Variants in CIITA observed in about 807,000 individuals in gnomAD.
CIITA encodes MHC class II transactivator.
In CIITA, 72 loss-of-function variants were observed where a neutral mutation model predicts 115.1. The observed-to-expected ratio is 0.63, with a 90% CI of 0.52 to 0.76. CIITA has a LOEUF of 0.76. Ranked by LOEUF, CIITA falls within the 30% of genes least tolerant of loss-of-function variation. The pLI is 0.00. For synonymous variants in CIITA, 763 were observed against 635.6 expected (o/e 1.20, Z -3.02); for missense variants, 1,617 against 1,463.8 (o/e 1.10, Z -1.71).
rs776090698 is a variant in CIITA, at chr16:10,907,383, G to T, written c.1891G>T (p.Ala631Ser). ...GGCCCTGCTGGAGCTTGGGGAGGAC[G>T]CCAAGCTGCCCTCCACGCTCACGGG... The part of the protein sequence containing the change: ...SEALLELGED[A>S]KLPSTLTGLY... The change falls in exon 11 of 20, where the codon GCC becomes TCC. Residue 631 changes from alanine to serine, a missense_variant. Physicochemically the swap from Ala to Ser is moderately conservative, Grantham distance 99. Coordinates refer to ENST00000324288, the MANE Select transcript of CIITA (RefSeq NM_000246.4). This position sits in a 1 kb window ranked among gnomAD's most constrained non-coding sequence, Gnocchi z 5.0. 6.2e-7 allele frequency: 1 copy of T among 1,613,338 alleles called. No homozygotes were observed. The highest frequency in any genetic ancestry group is 8.5e-7 in the Non-Finnish European group (1 of 1,179,978).
At position 10,901,548 on chromosome 16, in the gene CIITA, C is replaced by G. The variant is rs149990869; in HGVS notation, c.471C>G (p.His157Gln). The G allele has an allele frequency of 3.1e-6, 5 of 1,613,962 alleles. No homozygotes were observed. The highest frequency in any genetic ancestry group is 4.2e-6 in the Non-Finnish European group (5 of 1,179,990). ...AGGAGCTTCCGGCAGACCTGAAGCA[C>G]TGGAAGCCAGGTGTGCAGGGCAGGT... is the stretch of plus-strand genomic sequence containing the variant. ...FPEELPADLK[H>Q]WKPAEPPTVV... The change falls in exon 6 of 20, where the codon CAC becomes CAG. Residue 157 changes from histidine to glutamine, a missense_variant. Transcript: ENST00000324288. This position sits in a 1 kb window ranked among gnomAD's most constrained non-coding sequence, Gnocchi z 6.8.
In CIITA at chr16:10,941,973, G is replaced by T. The variant is rs553117707; in HGVS notation, n.1099G>T. The T allele has an allele frequency of 7.7e-5, 118 of 1,526,232 alleles. 2 individuals are homozygous for T. The South Asian group carries it at 8.1e-4, about 10-fold the overall frequency. 94.5% of individuals were successfully genotyped at this position (1,526,232 alleles called of 1,614,324 possible). On this transcript the variant is annotated non_coding_transcript_exon_variant, in exon 2 of 2. Transcript: ENST00000573379. This position sits in a 1 kb window ranked among gnomAD's most constrained non-coding sequence, Gnocchi z 6.4. Reference sequence around the variant, plus strand: ...CGTAGGGGACCAGGGGGCCCAGTGCGTCCAGGTGGGCCGCGACCCGGGCGC... The same window carrying T: ...CGTAGGGGACCAGGGGGCCCAGTGCTTCCAGGTGGGCCGCGACCCGGGCGC...
chr16:10,893,850 C>A (rs1596490556), intron 1 of CIITA, among the ~76,000 whole-genome samples: 1 of 110,356 alleles, frequency 9.1e-6, no homozygotes, highest in Non-Finnish European at 1.8e-5. Flanking sequence ...GTTCAGTGTT[C>A]TTTTGGGAAT....
chr16:10,867,733 G>A (rs571379325), intron 1 of CIITA, among the ~76,000 whole-genome samples: 8 of 152,218 alleles, frequency 5.3e-5, no homozygotes, highest in African/African-American at 1.9e-4. Flanking sequence ...TTACAAAGAA[G>A]TCCTCCCTTC....
At chr16:10,909,516 G>A (rs761033085) in intron 12 of CIITA, among the ~76,000 whole-genome samples, 1 of 152,226 alleles carries the variant, frequency 6.6e-6, no homozygotes, top group Non-Finnish European at 1.5e-5. Flanking sequence ...CACCCTTTGA[G>A]GCATTTAGGA....
chr16:10,867,316 T>G (rs2035144741), intron 1 of CIITA, among the ~76,000 whole-genome samples: 4 of 97,116 alleles, frequency 4.1e-5, no homozygotes, highest in Non-Finnish European at 5.9e-5. Context: ...GAGCCCACTG[T>G]GTGTGTTGGG....
Position 10,929,577 on chromosome 16 carries a change from G to A in CIITA, c.*5722G>A. ...GAGCAGGTCTAACAAGAAGGAAAAA[G>A]GGGGGTTATTAGCACGGAAGCCCCA... On this transcript the variant is annotated 3_prime_UTR_variant, in exon 20 of 20. Transcript: ENST00000324288. This position sits in a 1 kb window ranked among gnomAD's most constrained non-coding sequence, Gnocchi z 4.3. 1 of 985,350 alleles carries A rather than the reference G, an allele frequency of 1.0e-6. No individual in the cohort carries two copies. The highest frequency in any genetic ancestry group is 1.2e-6 in the Non-Finnish European group (1 of 829,874). 61.0% of individuals were successfully genotyped at this position (985,350 alleles called of 1,614,324 possible).
At chr16:10,900,482 GT>G (rs1294475695) in intron 5 of CIITA, among the ~76,000 whole-genome samples, 2 of 152,104 alleles carry the variant, frequency 1.3e-5, no homozygotes, top group Non-Finnish European at 2.9e-5. Flanking sequence ...GCTCACATCT[GT>G]AATCCCAGCA....
rs1596623643 is a variant in CIITA at position 10,924,248 on chromosome 16, T to A, written c.*393T>A. On this transcript the variant is annotated 3_prime_UTR_variant, in exon 20 of 20. Transcript: ENST00000324288. ...TGGGGAGAAAGTACTTCTTTTTTTT[T>A]ATTTTTAGACAGAGTCTCACTGTTG... is the stretch of plus-strand genomic sequence containing the variant. 1 of 152,328 alleles carries A rather than the reference T, an allele frequency of 6.6e-6. No homozygotes were observed. The highest frequency in any genetic ancestry group is 6.5e-5 in the Admixed American group (1 of 15,286). 9.4% of individuals were successfully genotyped at this position (152,328 alleles called of 1,614,324 possible).
In CIITA at chr16:10,934,272, C is replaced by G. The variant is rs2040927745; in HGVS notation, c.*10417C>G. ...TTAAACCAATGTACTTTTTAAACTCCAATTTTTTAATAAGATCATTTATGT... is the reference window on the plus strand; with the variant it reads ...TTAAACCAATGTACTTTTTAAACTCGAATTTTTTAATAAGATCATTTATGT... On this transcript the variant is annotated 3_prime_UTR_variant, in exon 20 of 20. Coordinates refer to ENST00000324288, the MANE Select transcript of CIITA (RefSeq NM_000246.4). The surrounding 1 kb of genome is among the most constrained non-coding windows in gnomAD (Gnocchi z 4.2). The G allele has an allele frequency of 6.6e-6, 1 of 152,150 alleles. No individual in the cohort carries two copies. The highest frequency in any genetic ancestry group is 1.5e-5 in the Non-Finnish European group (1 of 68,042). 9.4% of individuals were successfully genotyped at this position (152,150 alleles called of 1,614,324 possible).
chr16:10,874,757 C>T (rs972451875), upstream of CIITA, among the ~76,000 whole-genome samples: 37 of 152,228 alleles, frequency 2.4e-4, no homozygotes, highest in South Asian at 4.1e-4. Flanking sequence ...TGCAGTCACC[C>T]AGGTGAGAGA....
intron 1 of CIITA, among the ~76,000 whole-genome samples, chr16:10,867,334 A>T (rs2035152984): frequency 7.5e-6 from 1 of 133,250 alleles, no homozygotes; most frequent in Non-Finnish European, 1.7e-5. Flanking sequence ...GGGGGGGGGC[A>T]TGTGTGCGTT....
At chr16:10,910,345 A>C in intron 13 of CIITA, 86 bp downstream of exon 13, 26 of 1,098,888 alleles carry the variant, frequency 2.4e-5, no homozygotes, top group Non-Finnish European at 3.6e-5. Context: ...GAATGGAGAT[A>C]GATCTCCAGA....
chr16:10,874,071 TC>T (rs1474187082), upstream of CIITA, among the ~76,000 whole-genome samples: 2 of 150,104 alleles, frequency 1.3e-5, no homozygotes, highest in East Asian at 3.9e-4. Flanking sequence ...AACCTCCACC[TC>T]CCCCAGGTTC....
intron 1 of CIITA, among the ~76,000 whole-genome samples, chr16:10,882,188 G>A (rs771369475): frequency 2.6e-5 from 4 of 152,030 alleles, no homozygotes; most frequent in Non-Finnish European, 5.9e-5. Flanking sequence ...TTTTAAAATC[G>A]GTCTATTTAA....
intron 5 of CIITA, among the ~76,000 whole-genome samples, chr16:10,900,746 A>T (rs1265149888): frequency 6.6e-6 from 1 of 152,152 alleles, no homozygotes; most frequent in African/African-American, 2.4e-5. Flanking sequence ...TTTCAAAAAA[A>T]AAAAAAAATG....
In CIITA at chr16:10,916,378, T is replaced by G; in HGVS notation, c.2981T>G (p.Leu994Arg). 6.2e-7 allele frequency: 1 copy of G among 1,613,876 alleles called. No homozygotes were observed. Among genetic ancestry groups the G allele is most frequent in the African/African-American group, 1.3e-5 (1 of 75,002 alleles). Residue 994 changes from leucine to arginine, a missense_variant, in exon 15 of 20, where the codon CTG (leucine) becomes CGG (arginine). By Grantham distance (102) the Leu-to-Arg change is moderately radical. Coordinates refer to ENST00000324288, the MANE Select transcript of CIITA (RefSeq NM_000246.4). ...GATTCCACCTGCAGCCTGGATGCGCTGAGTGAGAACAAGATCGGGGACGAG... is the reference window on the plus strand; with the variant it reads ...GATTCCACCTGCAGCCTGGATGCGCGGAGTGAGAACAAGATCGGGGACGAG... ...SSLQHLDLDA[L>R]SENKIGDEGV...
Position 10,920,010 on chromosome 16 carries a change from C to T in CIITA, c.3149+1484C>T, listed in dbSNP as rs2040184095. 6.6e-6 allele frequency among the ~76,000 whole-genome samples: 1 copy of T among 152,038 alleles called. No individual in the cohort carries two copies. ...CTCTAGGAAGAAAGAACAGCAGGTGCAAAGGCCCTAAGTGGGAAAAGGGGC... is the reference window on the plus strand; with the variant it reads ...CTCTAGGAAGAAAGAACAGCAGGTGTAAAGGCCCTAAGTGGGAAAAGGGGC... On this transcript the variant is annotated intron_variant, in intron 16 of 19. Coordinates refer to ENST00000324288, the MANE Select transcript of CIITA (RefSeq NM_000246.4). The surrounding 1 kb of genome is among the most constrained non-coding windows in gnomAD (Gnocchi z 4.5).
chr16:10,893,512 T>C lies in CIITA; in HGVS notation c.53-1770T>C, dbSNP rs916749501. 8.5e-5 allele frequency among the ~76,000 whole-genome samples: 13 copies of C among 152,230 alleles called. No individual in the cohort carries two copies. In the Middle Eastern group the frequency reaches 0.01, roughly 119 times the overall value. On this transcript the variant is annotated intron_variant, in intron 1 of 19. Coordinates refer to ENST00000324288, the MANE Select transcript of CIITA (RefSeq NM_000246.4). ...GCTTTATTGAGATGTAATTCACATA[T>C]ACAATTTGCCCACTTAAAAAGTACA...
Sources: gnomAD v4.1 joint callset for allele counts (sites outside exome capture counted in the v4.1 genomes callset) on GRCh38, gnomAD v4.1.1 for gene constraint, Gnocchi (gnomAD v3.1) non-coding constraint, MANE v1.5 for transcripts, NCBI Gene and HGNC (gene_info 2026-07-23, HGNC 2026-07-21) for gene names.